The following GLIS3 variants were observed in gnomAD, a reference collection of about 807,000 sequenced individuals.
GLIS3 encodes zinc finger protein GLIS3.
A neutral mutation model predicts 78.6 loss-of-function variants in GLIS3; 53 were observed. The observed-to-expected ratio is 0.67, with a 90% confidence interval of 0.54 to 0.85. The LOEUF is 0.85. GLIS3 is among the 40% of genes least tolerant of loss of function. The pLI is 0.00. For synonymous variants in GLIS3, 684 were observed against 509.9 expected, an observed-to-expected ratio of 1.34 and a Z score of -4.60; for missense variants, 1,703 against 1,231.1, an observed-to-expected ratio of 1.38 and a Z score of -5.74.
intron 4 of GLIS3, among the ~76,000 whole-genome samples, chr9:4,048,242 A>G (rs1403863815): frequency 6.6e-6 from 1 of 152,214 alleles, no homozygotes; most frequent in South Asian, 2.1e-4. Context: ...AATGAAACCA[A>G]GGAAAGTAAA....
At chr9:4,003,761 G>C (rs1821312248) in intron 4 of GLIS3, among the ~76,000 whole-genome samples, 1 of 152,202 alleles carries the variant, frequency 6.6e-6, no homozygotes, top group Non-Finnish European at 1.5e-5. Context: ...CAGTCATCTG[G>C]ATGATGGTGA....
chr9:4,245,514 T>G (rs1046210652), intron 2 of GLIS3, among the ~76,000 whole-genome samples: 1 of 152,184 alleles, frequency 6.6e-6, no homozygotes, highest in African/African-American at 2.4e-5. Flanking sequence ...AGAAAGGCAA[T>G]TTGAAAAATG....
intron 8 of GLIS3, among the ~76,000 whole-genome samples, chr9:3,868,795 G>T (rs1820774660): frequency 6.7e-6 from 1 of 149,500 alleles, no homozygotes; most frequent in Non-Finnish European, 1.5e-5. Flanking sequence ...CCCTTGCCTG[G>T]CTCTCTTCCT....
chr9:4,321,461 A>AAAAAAAAAAAT (rs1563932116), intron 2 of GLIS3, among the ~76,000 whole-genome samples: 1 of 140,920 alleles, frequency 7.1e-6, no homozygotes, highest in African/African-American at 2.7e-5. Context: ...AAAAAAAAAA[A>AAAAAAAAAAAT]AATCAGGTGC....
chr9:3,874,942 C>T (rs1254401640), intron 8 of GLIS3, among the ~76,000 whole-genome samples: 2 of 152,206 alleles, frequency 1.3e-5, no homozygotes, highest in African/African-American at 4.8e-5. Context: ...CGACAAAGCG[C>T]ACTGTTTGTG....
chr9:4,338,558 C>G (rs1817788925), intron 2 of GLIS3, among the ~76,000 whole-genome samples: 1 of 152,068 alleles, frequency 6.6e-6, no homozygotes, highest in Non-Finnish European at 1.5e-5. Flanking sequence ...AACTTGAAGT[C>G]AAGATGTGGC....
At chr9:4,145,747 C>T (rs1834176610) in intron 2 of GLIS3, among the ~76,000 whole-genome samples, 1 of 151,790 alleles carries the variant, frequency 6.6e-6, no homozygotes, top group Non-Finnish European at 1.5e-5. Context: ...CCCTTTGTTC[C>T]CCCTCCCTCC....
chr9:4,420,321 T>TAG, the GLIS3 span, among the ~76,000 whole-genome samples: 3 of 152,148 alleles, frequency 2.0e-5, no homozygotes, highest in Non-Finnish European at 4.4e-5. Context: ...TTTTCTTCCA[T>TAG]CACTGAAGCC....
chr9:4,314,287 T>C (rs146275865), intron 2 of GLIS3, among the ~76,000 whole-genome samples: 1 of 152,234 alleles, frequency 6.6e-6, no homozygotes, highest in Non-Finnish European at 1.5e-5. Context: ...TCAAGAACCC[T>C]TGACTTCCAG....
chr9:4,374,673 C>G, the GLIS3 span, among the ~76,000 whole-genome samples: 1 of 152,210 alleles, frequency 6.6e-6, no homozygotes, highest in African/African-American at 2.4e-5. Flanking sequence ...GAGAATGAGA[C>G]CTAAGTTGGC....
At chr9:4,355,131 C>T in the GLIS3 span, among the ~76,000 whole-genome samples, 7 of 84,090 alleles carry the variant, frequency 8.3e-5, no homozygotes, top group African/African-American at 2.4e-4. Context: ...GACTCCATCT[C>T]GAAAAAAAAA....
intron 4 of GLIS3, among the ~76,000 whole-genome samples, chr9:4,034,247 G>A (rs1290372484): frequency 6.6e-6 from 1 of 151,870 alleles, no homozygotes; most frequent in Non-Finnish European, 1.5e-5. Context: ...CAGATCCCCA[G>A]AAACTTTATT....
rs1831961949 is a variant in GLIS3 at position 4,118,844 on chromosome 9, A to G, written c.634T>C (p.Leu212=). Residue 212 remains leucine (L), a synonymous_variant, in exon 4 of 11, where the codon TTG becomes CTG. Coordinates refer to ENST00000381971, the MANE Select transcript of GLIS3 (RefSeq NM_001042413.2). The surrounding 1 kb of genome is among the most constrained non-coding windows in gnomAD (Gnocchi z 4.7). ...ISRESLASTT[L]SLTESQSASS... is the part of the protein sequence containing the mutation. ...GCCGACTGACTTTCCGTCAGACTCA[A>G]GGTCGTGGACGCCAAAGACTCACGC... The G allele has an allele frequency of 1.2e-6, 2 of 1,604,496 alleles. No homozygotes were observed. Among genetic ancestry groups the G allele is most frequent in the East Asian group, 4.5e-5 (2 of 44,870 alleles).
chr9:4,343,823 C>G (rs1227216610), intron 2 of GLIS3, among the ~76,000 whole-genome samples: 2 of 152,118 alleles, frequency 1.3e-5, no homozygotes, highest in African/African-American at 4.8e-5. Flanking sequence ...AACAGAAAAC[C>G]AAATACCACA....
chr9:3,953,975 CG>C (rs1168834803), intron 4 of GLIS3, among the ~76,000 whole-genome samples: 2 of 152,116 alleles, frequency 1.3e-5, no homozygotes, highest in Middle Eastern at 3.2e-3. Context: ...CACAATACCA[CG>C]TTTTTTTCCC....
intron 4 of GLIS3, among the ~76,000 whole-genome samples, chr9:4,090,008 C>T (rs770878391): frequency 2.0e-5 from 3 of 152,218 alleles, no homozygotes; most frequent in South Asian, 2.1e-4. Flanking sequence ...CTCTGCTCCT[C>T]GCTTGCTCCC....
At chr9:4,085,842 T>G (rs373535585) in intron 4 of GLIS3, among the ~76,000 whole-genome samples, 11 of 152,238 alleles carry the variant, frequency 7.2e-5, no homozygotes, top group African/African-American at 2.6e-4. Context: ...CCGCCATGAG[T>G]AGAAACTTCC....
At chr9:4,241,801 G>A (rs1394366415) in intron 2 of GLIS3, among the ~76,000 whole-genome samples, 2 of 152,072 alleles carry the variant, frequency 1.3e-5, no homozygotes, top group Non-Finnish European at 2.9e-5. Flanking sequence ...TCATTTCTCA[G>A]CCTCCCAAGT....
At chr9:3,904,904 C>T (rs182210734) in intron 6 of GLIS3, among the ~76,000 whole-genome samples, 1 of 152,196 alleles carries the variant, frequency 6.6e-6, no homozygotes, top group East Asian at 1.9e-4. Context: ...ACAGCCCACC[C>T]CCAACTTTCT....
Sources: gnomAD v4.1 joint callset for allele counts (sites outside exome capture counted in the v4.1 genomes callset) on GRCh38, gnomAD v4.1.1 for gene constraint, Gnocchi (gnomAD v3.1) non-coding constraint, MANE v1.5 for transcripts, NCBI Gene and HGNC (gene_info 2026-07-23, HGNC 2026-07-21) for gene names.